Variants in COL22A1 observed in about 807,000 individuals in gnomAD.
COL22A1 encodes the protein collagen alpha-1(XXII) chain.
COL22A1 carries 221 observed loss-of-function variants against 248.9 expected under a neutral mutation model. The ratio of observed to expected loss-of-function variants is 0.89; its 90% confidence interval spans 0.80 to 0.99. COL22A1 has a LOEUF of 0.99. COL22A1 is among the 50% of genes least tolerant of loss of function. The pLI, the probability that COL22A1 is intolerant of heterozygous loss-of-function variation, is 0.00. For synonymous variants in COL22A1, 891 were observed against 793.4 expected (o/e 1.12, Z -2.07); for missense variants, 2,240 against 2,179.0 (o/e 1.03, Z -0.56).
At chr8:138,836,008 C>T (rs553441483) in intron 4 of COL22A1, among the ~76,000 whole-genome samples, 9 of 152,216 alleles carry the variant, frequency 5.9e-5, no homozygotes, top group Admixed American at 1.3e-4. Context: ...CAATGGCTCA[C>T]GCCTGTAATC....
chr8:138,743,673 A>G, intron 22 of COL22A1, among the ~76,000 whole-genome samples: 1 of 152,202 alleles, frequency 6.6e-6, no homozygotes, highest in East Asian at 1.9e-4. Context: ...CTGTTTTACT[A>G]ACGATAGGCC....
At chr8:138,756,720 T>G (rs1833034249) in intron 18 of COL22A1, among the ~76,000 whole-genome samples, 1 of 152,066 alleles carries the variant, frequency 6.6e-6, no homozygotes, top group South Asian at 2.1e-4. Flanking sequence ...AGTGAATGGC[T>G]CAAGACACAC....
At chr8:138,798,756 T>G (rs1407105188) in intron 11 of COL22A1, among the ~76,000 whole-genome samples, 1 of 152,210 alleles carries the variant, frequency 6.6e-6, no homozygotes, top group Non-Finnish European at 1.5e-5. Context: ...CATTTTTTTC[T>G]CTTGCTACTT....
chr8:138,601,139 A>G (rs981640039), intron 60 of COL22A1, among the ~76,000 whole-genome samples: 1 of 151,038 alleles, frequency 6.6e-6, no homozygotes, highest in Non-Finnish European at 1.5e-5. Context: ...ATCCTGTGCC[A>G]GTAGCTCCCA....
intron 15 of COL22A1, 148 bp downstream of exon 15, chr8:138,778,205 C>A: frequency 1.2e-6 from 1 of 824,966 alleles, no homozygotes; most frequent in Non-Finnish European, 2.1e-6. Context: ...AATTTCTGGT[C>A]TAAGAAAGGA....
At chr8:138,729,425 A>G (rs1401119869) in intron 23 of COL22A1, among the ~76,000 whole-genome samples, 1 of 152,168 alleles carries the variant, frequency 6.6e-6, no homozygotes, top group Non-Finnish European at 1.5e-5. Flanking sequence ...AACTGGTTCC[A>G]TGCTATGCAC....
rs773344733 is a variant in COL22A1 at position 138,878,239 on chromosome 8, C to A, written c.169G>T (p.Val57Phe). ...SSVGKEDFEK[V>F]RQWVANLVDT... ...ACCAGGTTGGCCACCCACTGCCGGACCTTCTCAAAGTCCTCCTTGCCCACG... is the reference window on the plus strand; with the variant it reads ...ACCAGGTTGGCCACCCACTGCCGGAACTTCTCAAAGTCCTCCTTGCCCACG... Residue 57 changes from valine to phenylalanine, a missense_variant, in exon 3 of 65, where the codon GTC (valine) becomes TTC (phenylalanine). By Grantham distance (50) the Val-to-Phe change is conservative. Coordinates refer to ENST00000303045, the MANE Select transcript of COL22A1 (RefSeq NM_152888.3). 16 of 1,591,868 alleles carry A rather than the reference C, an allele frequency of 1.0e-5. No individual in the cohort carries two copies. The highest frequency in any genetic ancestry group is 1.3e-5 in the African/African-American group (1 of 74,548).
At chr8:138,855,330 G>C (rs1406347526) in intron 3 of COL22A1, among the ~76,000 whole-genome samples, 1 of 152,220 alleles carries the variant, frequency 6.6e-6, no homozygotes, top group Non-Finnish European at 1.5e-5. Flanking sequence ...ATAAGGCACA[G>C]AGAGGTAAAG....
intron 3 of COL22A1, among the ~76,000 whole-genome samples, chr8:138,872,639 G>C (rs529626700): frequency 1.3e-5 from 2 of 152,202 alleles, no homozygotes; most frequent in Non-Finnish European, 2.9e-5. Flanking sequence ...CCTTGTCCTC[G>C]GCCTCCGCCC....
intron 16 of COL22A1, 131 bp from the exon 17 acceptor site, chr8:138,762,597 C>CAT: frequency 3.1e-6 from 2 of 641,340 alleles, no homozygotes; most frequent in Non-Finnish European, 2.7e-6. Context: ...TGCACACACA[C>CAT]ACACACACAC....
chr8:138,908,467 T>C (rs1233015766), intron 1 of COL22A1, among the ~76,000 whole-genome samples: 3 of 152,240 alleles, frequency 2.0e-5, no homozygotes, highest in Non-Finnish European at 4.4e-5. Flanking sequence ...AAATAGTACA[T>C]CTGCTTTCTC....
intron 46 of COL22A1, among the ~76,000 whole-genome samples, chr8:138,647,231 G>A (rs1822280743): frequency 6.6e-6 from 1 of 152,202 alleles, no homozygotes; most frequent in African/African-American, 2.4e-5. Flanking sequence ...ACAGCCACAA[G>A]AGTGAACCTG....
At chr8:138,678,799 C>T (rs1432667192) in intron 40 of COL22A1, among the ~76,000 whole-genome samples, 1 of 10,406 alleles carries the variant, frequency 9.6e-5, no homozygotes, top group African/African-American at 1.7e-4. Context: ...ACTGGGTCCT[C>T]ATCAATTAAA....
chr8:138,604,963 G>A (rs1479095022), intron 58 of COL22A1, among the ~76,000 whole-genome samples, 194 bp from the exon 59 acceptor site: 2 of 152,092 alleles, frequency 1.3e-5, no homozygotes, highest in African/African-American at 4.8e-5. Flanking sequence ...ATCACCCCAG[G>A]TTAGGAAGAA....
At chr8:138,721,082 T>C (rs560301783) in intron 26 of COL22A1, among the ~76,000 whole-genome samples, 2 of 152,306 alleles carry the variant, frequency 1.3e-5, no homozygotes, top group East Asian at 3.9e-4. Flanking sequence ...CATAAGTGTT[T>C]CTAAGAATAA....
At chr8:138,684,302 C>T (rs1826177079) in intron 39 of COL22A1, 123 bp downstream of exon 39, 7 of 743,458 alleles carry the variant, frequency 9.4e-6, no homozygotes, top group South Asian at 7.2e-5. Context: ...TCAAATGGAA[C>T]ACGATGAGCT....
rs1188087720 is a variant in COL22A1, at chr8:138,676,662, G to A, written c.3073-27C>T. On this transcript the variant is annotated intron_variant, in intron 40 of 64. Transcript: ENST00000303045. Reference sequence around the variant, plus strand: ...TAGAAAGAGAGAAAAATAAGATCAAGGAGGTCAGTGCCAGGAAGGAGAGGG... The same window carrying A: ...TAGAAAGAGAGAAAAATAAGATCAAAGAGGTCAGTGCCAGGAAGGAGAGGG... 5.4e-6 allele frequency: 8 copies of A among 1,485,752 alleles called. No individual in the cohort carries two copies. In the African/African-American group the frequency reaches 5.6e-5, roughly 10 times the overall value. The allele number at this position is 1,485,752 out of a possible 1,614,324, so 92.0% of individuals were successfully genotyped here.
rs566322971 is a variant in COL22A1 at position 138,592,359 on chromosome 8, C to T, written c.4616-858G>A. Among the ~76,000 whole-genome samples the T allele has an allele frequency of 4.6e-5, 7 of 152,308 alleles. No homozygotes were observed. The South Asian group carries it at 1.5e-3, about 32-fold the overall frequency. On this transcript the variant is annotated intron_variant, in intron 63 of 64. Transcript: ENST00000303045. Reference sequence around the variant, plus strand: ...ATCTGCTGCATGCAGTGTATTTTCTCTTGTAACCCCAATTGAAATTCTGCT... The same window carrying T: ...ATCTGCTGCATGCAGTGTATTTTCTTTTGTAACCCCAATTGAAATTCTGCT...
intron 42 of COL22A1, 45 bp downstream of exon 42, chr8:138,663,660 A>C (rs945017988): frequency 7.0e-7 from 1 of 1,435,598 alleles, no homozygotes; most frequent in East Asian, 2.3e-5. Flanking sequence ...TTCGAGCAGG[A>C]TTCCTCCCAT....
Sources: allele counts gnomAD v4.1 joint callset (sites outside exome capture counted in the v4.1 genomes callset), GRCh38; gene constraint gnomAD v4.1.1; transcripts MANE v1.5; gene names NCBI Gene and HGNC (gene_info 2026-07-23, HGNC 2026-07-21).